Variants in CEBPZOS observed in about 807,000 individuals in gnomAD.
CEBPZOS encodes the protein protein CEBPZOS.
CEBPZOS carries 10 observed loss-of-function variants against 4.8 expected under a neutral mutation model. The observed-to-expected ratio is 2.07, with a 90% CI of 1.28 to 3.52. The LOEUF is 3.52. Among genes scored for constraint, CEBPZOS ranks in the 30% most tolerant of loss-of-function variants. CEBPZOS has a pLI of 0.00. For synonymous variants in CEBPZOS, 25 were observed against 14.2 expected, an observed-to-expected ratio of 1.77 and a Z score of -1.72; for missense variants, 98 against 43.6, an observed-to-expected ratio of 2.25 and a Z score of -3.51.
rs1244720013 is a variant in CEBPZOS, at chr2:37,202,598, T to A, written c.*738T>A. On this transcript the variant is annotated 3_prime_UTR_variant, in exon 5 of 5. Transcript: ENST00000402297. ...AGATGGAGGTTGCAGTGAGCCAAGA[T>A]CATGCCACTGCATTCCAACCTGGGC... The A allele has an allele frequency of 1.5e-5, 6 of 395,002 alleles. No homozygotes were observed. The highest frequency in any genetic ancestry group is 2.6e-5 in the Non-Finnish European group (6 of 230,058). 24.5% of individuals were successfully genotyped at this position (395,002 alleles called of 1,614,324 possible). A position where few individuals can be genotyped will look rare whatever the true frequency, so the allele number is the denominator to read the frequency against.
Position 37,202,979 on chromosome 2 carries a change from C to T in CEBPZOS, c.*1119C>T, listed in dbSNP as rs1163810595. The T allele has an allele frequency of 5.1e-6, 8 of 1,554,742 alleles. No individual in the cohort carries two copies. The highest frequency in any genetic ancestry group is 6.1e-6 in the Non-Finnish European group (7 of 1,153,962). ...TCAGCAGATACAAATAGGCTGGAAT[C>T]ATTTAAGTTTCTTTTCTTTTTTCTT... On this transcript the variant is annotated 3_prime_UTR_variant, in exon 5 of 5. Transcript: ENST00000402297.
rs1677117738 is a variant in CEBPZOS at position 37,199,689 on chromosome 2, T to C, written c.-1-15T>C. 1 of 715,480 alleles carries C rather than the reference T, an allele frequency of 1.4e-6. No homozygotes were observed. Among genetic ancestry groups the C allele is most frequent in the African/African-American group, 1.7e-5 (1 of 57,220 alleles). 44.3% of individuals were successfully genotyped at this position (715,480 alleles called of 1,614,324 possible). ...ATGTTCATTCAGGTTTACACATATC[T>C]GTTGTTAAATTTAGGATGGCCCGTA... On this transcript the variant is annotated splice_polypyrimidine_tract_variant and intron_variant, in intron 1 of 4. Transcript: ENST00000402297.
intron 4 of CEBPZOS, chr2:37,210,786 TAA>T (rs1385846993): frequency 5.0e-5 from 23 of 462,970 alleles, no homozygotes; most frequent in Admixed American, 4.7e-4. Flanking sequence ...AACAAATTTT[TAA>T]AAAGTGAATG....
chr2:37,197,473 CTT>C (rs1336819165), intron 1 of CEBPZOS: 1 of 152,284 alleles, frequency 6.6e-6, no homozygotes, highest in Non-Finnish European at 1.5e-5. Flanking sequence ...TACAGATGGA[CTT>C]TATTTCTTAG....
At position 37,211,787 on chromosome 2, in the gene CEBPZOS, T is replaced by G. The variant is rs1677726984; in HGVS notation, c.*3-1650T>G. 3 of 1,329,040 alleles carry G rather than the reference T, an allele frequency of 2.3e-6. No individual in the cohort carries two copies. In the Admixed American group the frequency reaches 8.3e-5, roughly 37 times the overall value. The allele number at this position is 1,329,040 out of a possible 1,614,324, so 82.3% of individuals were successfully genotyped here. A position where few individuals can be genotyped will look rare whatever the true frequency, so the allele number is the denominator to read the frequency against. On this transcript the variant is annotated intron_variant, in intron 4 of 4. Transcript: ENST00000397064. ...AAAACCTTTAGCAGAAAAACAAACT[T>G]AAGGCTAAGGAAGTGAGGAAGACAC... is the stretch of plus-strand genomic sequence containing the variant.
At chr2:37,207,137 C>A (rs1311113303), downstream of CEBPZOS, among the ~76,000 whole-genome samples, 1 of 152,150 alleles carries the variant, frequency 6.6e-6, no homozygotes, top group Non-Finnish European at 1.5e-5. Flanking sequence ...ACCACCAGAG[C>A]TTCCAAATTT....
chr2:37,212,754 C>T (rs1297018680), intron 4 of CEBPZOS: 1 of 177,778 alleles, frequency 5.6e-6, no homozygotes, highest in Non-Finnish European at 1.2e-5. Flanking sequence ...TGTAACATCT[C>T]ATGCTTGTAA....
Position 37,204,362 on chromosome 2 carries a change from C to G in CEBPZOS, c.*2502C>G, listed in dbSNP as rs1403615388. The stretch of plus-strand genomic sequence containing the variant: ...GCGTGATCTCGGCTCACTGCAACCT[C>G]TGCCTTCTGGGTTCAAGCGATTCTC... On this transcript the variant is annotated 3_prime_UTR_variant, in exon 5 of 5. Coordinates refer to ENST00000402297, the MANE Select transcript of CEBPZOS (RefSeq NM_001322374.2). 4 of 150,822 alleles carry G rather than the reference C, an allele frequency of 2.7e-5. No homozygotes were observed. The highest frequency in any genetic ancestry group is 5.9e-5 in the Non-Finnish European group (4 of 68,108). 9.3% of individuals were successfully genotyped at this position (150,822 alleles called of 1,614,324 possible).
Position 37,204,347 on chromosome 2 carries a change from G to T in CEBPZOS, c.*2487G>T, listed in dbSNP as rs571996972. 2 of 144,920 alleles carry T rather than the reference G, an allele frequency of 1.4e-5. No homozygotes were observed. The highest frequency in any genetic ancestry group is 2.5e-5 in the African/African-American group (1 of 39,222). 9.0% of individuals were successfully genotyped at this position (144,920 alleles called of 1,614,324 possible). A position where few individuals can be genotyped will look rare whatever the true frequency, so the allele number is the denominator to read the frequency against. ...GGCTGGAGTACAGGGGCGTGATCTC[G>T]GCTCACTGCAACCTCTGCCTTCTGG... On this transcript the variant is annotated 3_prime_UTR_variant, in exon 5 of 5. Coordinates refer to ENST00000402297, the MANE Select transcript of CEBPZOS (RefSeq NM_001322374.2).
At chr2:37,206,067 A>T (rs11894772), downstream of CEBPZOS, among the ~76,000 whole-genome samples, 3,338 of 152,328 alleles carry the variant, frequency 0.022, 70 homozygotes, top group African/African-American at 0.061. Flanking sequence ...GAAGATCTGC[A>T]TTCAAATGTG....
chr2:37,199,872 C>T (rs1572480162), intron 2 of CEBPZOS, 53 bp downstream of exon 2: 1 of 685,294 alleles, frequency 1.5e-6, no homozygotes, highest in East Asian at 2.7e-5. Context: ...TTTTGCTAAT[C>T]CATTTTATGT....
chr2:37,199,660 A>C (rs1317069636), intron 1 of CEBPZOS, 44 bp from the exon 2 acceptor site: 1 of 698,702 alleles, frequency 1.4e-6, no homozygotes, highest in Non-Finnish European at 2.7e-6. Context: ...ATAGTAGTTT[A>C]AGTATGTTCA....
At chr2:37,208,383 CA>C (rs1336298745), downstream of CEBPZOS, among the ~76,000 whole-genome samples, 1 of 152,080 alleles carries the variant, frequency 6.6e-6, no homozygotes, top group East Asian at 1.9e-4. Flanking sequence ...CACACAGATG[CA>C]AAAACCCTCA....
downstream of CEBPZOS, among the ~76,000 whole-genome samples, chr2:37,207,878 TAAAG>T (rs1449807561): frequency 7.9e-5 from 12 of 151,256 alleles, no homozygotes; most frequent in South Asian, 2.1e-4. Context: ...TGTGGAAAAA[TAAAG>T]AAAATCGGTA....
intron 1 of CEBPZOS, among the ~76,000 whole-genome samples, chr2:37,198,897 T>A (rs1677078110): frequency 6.6e-6 from 1 of 152,180 alleles, no homozygotes; most frequent in African/African-American, 2.4e-5. Context: ...CTCATGCCTG[T>A]AATCCCAGCA....
intron 1 of CEBPZOS, among the ~76,000 whole-genome samples, chr2:37,198,217 T>G (rs570019424): frequency 3.1e-4 from 47 of 152,278 alleles, no homozygotes; most frequent in Non-Finnish European, 5.6e-4. Context: ...GAGCATGACT[T>G]ACTTTCTGTC....
At chr2:37,201,809 CTTTT>C (rs754746073) in intron 4 of CEBPZOS, 50 bp from the exon 5 acceptor site, 1 of 1,584,140 alleles carries the variant, frequency 6.3e-7, no homozygotes, top group East Asian at 2.2e-5. Flanking sequence ...TAATCCTCTT[CTTTT>C]TAAAATGTTT....
At chr2:37,205,305 A>C (rs1400232889), downstream of CEBPZOS, among the ~76,000 whole-genome samples, 3 of 152,132 alleles carry the variant, frequency 2.0e-5, no homozygotes, top group East Asian at 1.9e-4. Context: ...TTCCTGCCTT[A>C]ACTGATGACA....
chr2:37,216,103 G>A, downstream of CEBPZOS: 1 of 1,435,868 alleles, frequency 7.0e-7, no homozygotes, highest in South Asian at 1.2e-5. Context: ...GTCTTATATT[G>A]TCTTTTCAGT....
Sources: allele counts gnomAD v4.1 joint callset (sites outside exome capture counted in the v4.1 genomes callset), GRCh38; gene constraint gnomAD v4.1.1; transcripts MANE v1.5; gene names NCBI Gene and HGNC (gene_info 2026-07-23, HGNC 2026-07-21).